The following KIF21A variants were observed in gnomAD, a reference collection of about 807,000 sequenced individuals.
KIF21A encodes kinesin family member 21A.
Under a neutral mutation model 202.9 loss-of-function variants are expected in KIF21A, and 114 were observed. The observed-to-expected ratio is 0.56, with a 90% CI of 0.48 to 0.66. The LOEUF is 0.66. KIF21A is among the 30% of genes least tolerant of loss of function. The pLI, the probability that KIF21A is intolerant of heterozygous loss-of-function variation, is 0.00. For missense variants in KIF21A, 1,677 were observed against 1,994.9 expected, an observed-to-expected ratio of 0.84 and a Z score of 3.04; for synonymous variants, 667 against 670.8, an observed-to-expected ratio of 0.99 and a Z score of 0.09.
At chr12:39,406,177 A>AAC in intron 1 of KIF21A, among the ~76,000 whole-genome samples, 1 of 152,142 alleles carries the variant, frequency 6.6e-6, no homozygotes, top group Admixed American at 6.5e-5. Flanking sequence ...AAAGCCAAAC[A>AAC]AACACAAAAT....
intron 1 of KIF21A, among the ~76,000 whole-genome samples, chr12:39,409,587 A>G (rs550028292): frequency 2.6e-5 from 4 of 151,652 alleles, no homozygotes; most frequent in Non-Finnish European, 5.9e-5. Context: ...TTTCATAATG[A>G]TAACAGAATT....
intron 12 of KIF21A, among the ~76,000 whole-genome samples, chr12:39,342,375 C>T (rs1467826607): frequency 2.6e-5 from 4 of 152,046 alleles, no homozygotes; most frequent in African/African-American, 9.7e-5. Context: ...AGATTATGCC[C>T]GAAAGCACGA....
At chr12:39,411,032 C>T (rs938897715) in intron 1 of KIF21A, among the ~76,000 whole-genome samples, 4 of 152,180 alleles carry the variant, frequency 2.6e-5, no homozygotes, top group African/African-American at 4.8e-5. Flanking sequence ...TGCCTTTCCA[C>T]CAATTCCTGC....
chr12:39,370,774 T>C (rs1236020433), intron 1 of KIF21A, among the ~76,000 whole-genome samples: 1 of 152,122 alleles, frequency 6.6e-6, no homozygotes, highest in East Asian at 1.9e-4. Context: ...GTTCTATCAG[T>C]GTAACATGTT....
At chr12:39,418,654 T>C (rs763190442) in intron 1 of KIF21A, among the ~76,000 whole-genome samples, 4 of 152,160 alleles carry the variant, frequency 2.6e-5, no homozygotes, top group African/African-American at 9.7e-5. Context: ...GTAGCATCAG[T>C]GAGAATTCAC....
chr12:39,316,980 T>C (rs1208444190), intron 29 of KIF21A, among the ~76,000 whole-genome samples: 2 of 152,210 alleles, frequency 1.3e-5, no homozygotes, highest in East Asian at 3.9e-4. Flanking sequence ...ACTCTTCGTA[T>C]ACCTAGTGAA....
chr12:39,400,711 A>G (rs1013724791), intron 1 of KIF21A, among the ~76,000 whole-genome samples: 3 of 152,200 alleles, frequency 2.0e-5, no homozygotes, highest in African/African-American at 7.2e-5. Context: ...TAATGTGCTG[A>G]TAGAGTCAAG....
At chr12:39,347,118 A>G (rs1046755020) in intron 11 of KIF21A, among the ~76,000 whole-genome samples, 1 of 151,880 alleles carries the variant, frequency 6.6e-6, no homozygotes, top group Non-Finnish European at 1.5e-5. Context: ...GGTTGTTATG[A>G]TATCTGTGAA....
chr12:39,349,228 C>G (rs932036535), intron 11 of KIF21A, among the ~76,000 whole-genome samples: 1 of 151,996 alleles, frequency 6.6e-6, no homozygotes, highest in Admixed American at 6.6e-5. Context: ...TTTCTTGCTC[C>G]CTTCTGAATT....
rs1413652783 is a variant in KIF21A at position 39,311,428 on chromosome 12, G to C, written c.4085C>G (p.Thr1362Ser). ...CVDSTDDLLF[T>S]GSKDRTCKVW... ...ATAACTACTAGCACCTTTTGATCCA[G>C]TGAAGAGGAGATCATCAGTAGAATC... The change falls in exon 32 of 38, where the codon ACT (threonine) becomes AGT (serine). Residue 1362 changes from threonine (T) to serine (S), a missense_variant. Physicochemically the swap from Thr to Ser is moderately conservative, Grantham distance 58 (BLOSUM62 1). Transcript: ENST00000361418. The C allele has an allele frequency of 5.6e-6, 9 of 1,612,708 alleles. No individual in the cohort carries two copies. The highest frequency in any genetic ancestry group is 7.6e-6 in the Non-Finnish European group (9 of 1,179,056).
chr12:39,367,499 T>C (rs1949679698), intron 4 of KIF21A, among the ~76,000 whole-genome samples: 1 of 152,178 alleles, frequency 6.6e-6, no homozygotes, highest in Non-Finnish European at 1.5e-5. Flanking sequence ...GTTAAAATTA[T>C]TTTTTGTAAT....
At chr12:39,358,698 T>C (rs1227041872) in intron 7 of KIF21A, among the ~76,000 whole-genome samples, 1 of 152,246 alleles carries the variant, frequency 6.6e-6, no homozygotes, top group Non-Finnish European at 1.5e-5. Flanking sequence ...ACTGAAAATC[T>C]AAAACCACTT....
intron 16 of KIF21A, chr12:39,337,436 A>T: frequency 4.2e-6 from 2 of 475,918 alleles, no homozygotes; most frequent in Non-Finnish European, 7.5e-6. Context: ...TTCAATATTC[A>T]GTTGTTCTGC....
In KIF21A at chr12:39,322,698, G is replaced by T. The variant is rs149075970; in HGVS notation, c.3641C>A (p.Pro1214Gln). 2.9e-5 allele frequency: 46 copies of T among 1,613,932 alleles called. No individual in the cohort carries two copies. The highest frequency in any genetic ancestry group is 3.8e-5 in the Non-Finnish European group (45 of 1,179,974). The part of the protein sequence containing the change: ...TSAREKELSP[P>Q]PGLPSKIGSI... Reference sequence around the variant, plus strand: ...GCCTATCTTAGAAGGTAAGCCAGGTGGGGGAGAGAGCTCTTTTTCCCTAGC... The same window carrying T: ...GCCTATCTTAGAAGGTAAGCCAGGTTGGGGAGAGAGCTCTTTTTCCCTAGC... Residue 1214 changes from proline to glutamine, a missense_variant, in exon 27 of 38, where the codon CCA (proline) becomes CAA (glutamine). Pro to Gln is a moderately conservative substitution (Grantham distance 76). Around this residue, in one of 3 missense-constraint regions of KIF21A, gnomAD observed 705 missense variants for 791.9 expected, o/e 0.89. Coordinates refer to ENST00000361418, the MANE Select transcript of KIF21A (RefSeq NM_001173464.2).
intron 37 of KIF21A, among the ~76,000 whole-genome samples, chr12:39,297,288 G>A (rs1362786128): frequency 2.6e-5 from 4 of 152,082 alleles, no homozygotes; most frequent in African/African-American, 9.7e-5. Flanking sequence ...ACATGCACAC[G>A]TATGTTTATT....
intron 12 of KIF21A, among the ~76,000 whole-genome samples, chr12:39,343,521 T>C (rs540538583): frequency 4.9e-4 from 74 of 152,190 alleles, no homozygotes; most frequent in Non-Finnish European, 9.6e-4. Flanking sequence ...TATTCTTCTA[T>C]ATTAAATAAT....
At position 39,363,188 on chromosome 12, in the gene KIF21A, G is replaced by T; in HGVS notation, c.929C>A (p.Ala310Asp). 6.2e-7 allele frequency: 1 copy of T among 1,612,208 alleles called. No individual in the cohort carries two copies. ...GLLALGNVISALGDKSKRATH... is the reference protein window; with the variant it reads ...GLLALGNVISDLGDKSKRATH... Reference sequence around the variant, plus strand: ...GGCCCTCTTGCTCTTGTCTCCCAAGGCACTTATTACATTGCCAAGTGCCAA... The same window carrying T: ...GGCCCTCTTGCTCTTGTCTCCCAAGTCACTTATTACATTGCCAAGTGCCAA... The change falls in exon 7 of 38, where the codon GCC (alanine) becomes GAC (aspartate). Residue 310 changes from alanine to aspartate, a missense_variant. Ala to Asp is a moderately radical substitution (Grantham distance 126). Transcript: ENST00000361418.
chr12:39,327,976 C>T (rs1033537790), intron 24 of KIF21A, among the ~76,000 whole-genome samples: 1 of 152,176 alleles, frequency 6.6e-6, no homozygotes, highest in African/African-American at 2.4e-5. Flanking sequence ...TTTTAAAAGT[C>T]TTCCTTTAAA....
At chr12:39,378,310 T>C (rs1474253028) in intron 1 of KIF21A, among the ~76,000 whole-genome samples, 2 of 152,198 alleles carry the variant, frequency 1.3e-5, no homozygotes, top group Non-Finnish European at 2.9e-5. Flanking sequence ...GGGGGTAACA[T>C]TGTGCCACTC....
Sources: allele counts gnomAD v4.1 joint callset (sites outside exome capture counted in the v4.1 genomes callset), GRCh38; gene constraint gnomAD v4.1.1; regional missense constraint gnomAD v4.1.1; transcripts MANE v1.5; gene names NCBI Gene and HGNC (gene_info 2026-07-23, HGNC 2026-07-21).